The following ROBO2 variants were observed in gnomAD, a reference collection of about 807,000 sequenced individuals.
The protein encoded by ROBO2 is roundabout guidance receptor 2.
ROBO2 carries 53 observed loss-of-function variants against 160.8 expected under a neutral mutation model. The ratio of observed to expected loss-of-function variants is 0.33; its 90% CI spans 0.26 to 0.41. ROBO2 has a LOEUF of 0.41. Ranked by LOEUF, ROBO2 falls within the 10% of genes least tolerant of loss-of-function variation. The pLI, the probability that ROBO2 is intolerant of heterozygous loss-of-function variation, is 1.00. For missense variants in ROBO2, 1,577 were observed against 1,722.4 expected (o/e 0.92, Z 1.49); for synonymous variants, 664 against 611.7 (o/e 1.09, Z -1.26).
chr3:76,605,622 T>G (rs760408782), intron 2 of ROBO2, among the ~76,000 whole-genome samples: 2 of 152,118 alleles, frequency 1.3e-5, no homozygotes, highest in Non-Finnish European at 2.9e-5. Flanking sequence ...ACACAAAGGA[T>G]AAGACTGGAG....
At chr3:76,082,165 A>G (rs1490063731) in intron 2 of ROBO2, among the ~76,000 whole-genome samples, 1 of 152,162 alleles carries the variant, frequency 6.6e-6, no homozygotes, top group Non-Finnish European at 1.5e-5. Flanking sequence ...AGAAATTTCA[A>G]TCCATTGTGT....
intron 2 of ROBO2, among the ~76,000 whole-genome samples, chr3:76,616,240 A>G (rs1007504655): frequency 1.3e-5 from 2 of 152,226 alleles, no homozygotes; most frequent in African/African-American, 4.8e-5. Flanking sequence ...ATCCAAATCT[A>G]ACTTTTCTTA....
At chr3:76,472,064 TGTGTGTG>T (rs1436647580) in intron 2 of ROBO2, among the ~76,000 whole-genome samples, 1 of 41,572 alleles carries the variant, frequency 2.4e-5, no homozygotes, top group Admixed American at 3.2e-4. Context: ...TCTGATAAAA[TGTGTGTG>T]TGTGTGTGTG....
At chr3:76,030,305 G>A (rs867825144) in intron 2 of ROBO2, among the ~76,000 whole-genome samples, 10 of 150,068 alleles carry the variant, frequency 6.7e-5, no homozygotes, top group South Asian at 2.1e-4. Flanking sequence ...ATTTTCTCCC[G>A]TTCTGTAGAT....
chr3:76,059,256 A>C (rs1422997099), intron 2 of ROBO2, among the ~76,000 whole-genome samples: 1 of 151,656 alleles, frequency 6.6e-6, no homozygotes, highest in Non-Finnish European at 1.5e-5. Flanking sequence ...ACTAGTTTAC[A>C]GTCCCACCAA....
chr3:76,921,136 A>G (rs575799730), intron 2 of ROBO2, among the ~76,000 whole-genome samples: 1 of 152,278 alleles, frequency 6.6e-6, no homozygotes, highest in South Asian at 2.1e-4. Context: ...TTGGCTGCAA[A>G]TTGATCCATA....
At chr3:76,085,322 A>G (rs536115139) in intron 2 of ROBO2, among the ~76,000 whole-genome samples, 1 of 152,266 alleles carries the variant, frequency 6.6e-6, no homozygotes, top group African/African-American at 2.4e-5. Flanking sequence ...ATGCTATGCA[A>G]GTTTGTGTTC....
intron 2 of ROBO2, among the ~76,000 whole-genome samples, chr3:77,277,028 T>C (rs936146623): frequency 2.6e-5 from 4 of 152,152 alleles, no homozygotes; most frequent in African/African-American, 9.7e-5. Flanking sequence ...AGGTGAGATA[T>C]GGGTGCGGAC....
chr3:77,201,319 A>T (rs1037914784), intron 2 of ROBO2, among the ~76,000 whole-genome samples: 17 of 152,176 alleles, frequency 1.1e-4, no homozygotes, highest in Admixed American at 2.6e-4. Flanking sequence ...GCCACTAAGA[A>T]GTTTTATAAA....
chr3:76,272,068 T>C (rs1472734511), intron 2 of ROBO2, among the ~76,000 whole-genome samples: 1 of 152,194 alleles, frequency 6.6e-6, no homozygotes, highest in Non-Finnish European at 1.5e-5. Flanking sequence ...TCTATAAATA[T>C]AAGTGTTTCC....
chr3:75,958,571 A>G (rs1205039736), intron 2 of ROBO2, among the ~76,000 whole-genome samples: 1 of 151,798 alleles, frequency 6.6e-6, no homozygotes, highest in Non-Finnish European at 1.5e-5. Context: ...GATTTCAAGC[A>G]AAAGAAACTG....
intron 2 of ROBO2, among the ~76,000 whole-genome samples, chr3:76,384,401 G>T (rs2108584395): frequency 6.6e-6 from 1 of 152,156 alleles, no homozygotes; most frequent in African/African-American, 2.4e-5. Context: ...ACCCTGTTTT[G>T]GTCATGAGAA....
intron 2 of ROBO2, among the ~76,000 whole-genome samples, chr3:76,540,708 C>T (rs1003892068): frequency 1.3e-5 from 2 of 152,182 alleles, no homozygotes; most frequent in African/African-American, 4.8e-5. Flanking sequence ...TTGAAATTCA[C>T]AAACAAAGGA....
chr3:76,476,313 A>G (rs573033392), intron 2 of ROBO2, among the ~76,000 whole-genome samples: 1 of 152,078 alleles, frequency 6.6e-6, no homozygotes, highest in African/African-American at 2.4e-5. Flanking sequence ...TGCTTGTAAT[A>G]TTGTTGTGAA....
At chr3:77,102,538 A>G (rs575382557) in intron 2 of ROBO2, among the ~76,000 whole-genome samples, 3 of 152,332 alleles carry the variant, frequency 2.0e-5, no homozygotes, top group Admixed American at 1.3e-4. Flanking sequence ...TTTTATCATA[A>G]AATGATTATT....
intron 2 of ROBO2, among the ~76,000 whole-genome samples, chr3:76,503,528 A>G (rs2080600178): frequency 6.6e-6 from 1 of 152,214 alleles, no homozygotes; most frequent in South Asian, 2.1e-4. Context: ...ATTATTCACA[A>G]TAACCAAGAT....
chr3:76,248,996 T>C (rs758386626), intron 2 of ROBO2, among the ~76,000 whole-genome samples: 4 of 152,168 alleles, frequency 2.6e-5, no homozygotes, highest in Non-Finnish European at 5.9e-5. Flanking sequence ...GACACACATG[T>C]ATTTCGTGTT....
intron 2 of ROBO2, among the ~76,000 whole-genome samples, chr3:76,070,044 G>T (rs1435969419): frequency 1.3e-5 from 2 of 152,142 alleles, no homozygotes; most frequent in Non-Finnish European, 2.9e-5. Flanking sequence ...TGAGGAGGAT[G>T]TATGTCGCCT....
intron 2 of ROBO2, among the ~76,000 whole-genome samples, chr3:76,679,259 TAAAG>T (rs1330680610): frequency 6.6e-6 from 1 of 152,160 alleles, no homozygotes; most frequent in Non-Finnish European, 1.5e-5. Context: ...ACTTAAGAAA[TAAAG>T]AAAAACTCAA....
Sources: gnomAD v4.1 joint callset for allele counts (sites outside exome capture counted in the v4.1 genomes callset) on GRCh38, gnomAD v4.1.1 for gene constraint, MANE v1.5 for transcripts, NCBI Gene and HGNC (gene_info 2026-07-23, HGNC 2026-07-21) for gene names.